CNTN5: variants seen among roughly 807,000 people sequenced by gnomAD.
The protein encoded by CNTN5 is contactin 5, also known as contactin-5.
A neutral mutation model predicts 129.1 loss-of-function variants in CNTN5; 77 were observed. The ratio of observed to expected loss-of-function variants is 0.60; its 90% CI spans 0.50 to 0.72. CNTN5 has a LOEUF of 0.72. Among genes scored for constraint, CNTN5 ranks in the 30% least tolerant of loss-of-function variants. The pLI is 0.00. For missense variants in CNTN5, 1,478 were observed against 1,328.8 expected (o/e 1.11, Z -1.75); for synonymous variants, 509 against 465.6 (o/e 1.09, Z -1.20).
chr11:99,970,816 G>T (rs1285750632), intron 8 of CNTN5, among the ~76,000 whole-genome samples: 2 of 152,158 alleles, frequency 1.3e-5, no homozygotes, highest in African/African-American at 2.4e-5. Flanking sequence ...AGATAAAGGG[G>T]ATGGATGGGC....
chr11:99,883,678 T>C (rs1591361805), intron 6 of CNTN5, among the ~76,000 whole-genome samples: 1 of 152,312 alleles, frequency 6.6e-6, no homozygotes, highest in Admixed American at 6.5e-5. Flanking sequence ...TAACCTATTA[T>C]GTATGAACCT....
At chr11:100,162,584 T>C (rs1034126973) in intron 13 of CNTN5, among the ~76,000 whole-genome samples, 3 of 151,858 alleles carry the variant, frequency 2.0e-5, no homozygotes, top group Admixed American at 6.6e-5. Context: ...GCTTAAGCTA[T>C]TGCTTTTCTC....
At chr11:99,172,177 A>G (rs4143858) in intron 1 of CNTN5, among the ~76,000 whole-genome samples, 144,098 of 152,252 alleles carry the variant, frequency 0.95, 68,256 homozygotes, top group East Asian at 1. Context: ...GATATTGCTT[A>G]AATCATTTAA....
chr11:100,048,783 G>A (rs999821777), intron 9 of CNTN5, among the ~76,000 whole-genome samples: 3 of 151,946 alleles, frequency 2.0e-5, no homozygotes, highest in African/African-American at 7.2e-5. Context: ...ATTTTGAAGA[G>A]TATAAAAATA....
chr11:99,790,457 A>T (rs768125479), intron 3 of CNTN5, among the ~76,000 whole-genome samples: 11 of 152,106 alleles, frequency 7.2e-5, no homozygotes, highest in Non-Finnish European at 1.3e-4. Context: ...TTGGCTTAGG[A>T]TAATGGCCTC....
intron 1 of CNTN5, among the ~76,000 whole-genome samples, chr11:99,173,480 G>T (rs185915328): frequency 2.5e-3 from 380 of 152,300 alleles, no homozygotes; most frequent in African/African-American, 8.8e-3. Flanking sequence ...TTATTGGTCA[G>T]ATTTTATTGT....
intron 1 of CNTN5, among the ~76,000 whole-genome samples, chr11:99,119,655 T>A (rs1053905321): frequency 1.3e-5 from 2 of 152,292 alleles, no homozygotes; most frequent in Admixed American, 1.3e-4. Flanking sequence ...ATAAACGCAG[T>A]TATGGGATTG....
chr11:99,653,441 C>T (rs974724221), intron 3 of CNTN5, among the ~76,000 whole-genome samples: 4 of 151,934 alleles, frequency 2.6e-5, no homozygotes, highest in Non-Finnish European at 5.9e-5. Flanking sequence ...TCATAGCTCC[C>T]CCGTCTCAGA....
chr11:100,128,102 C>T (rs914948612), intron 13 of CNTN5, among the ~76,000 whole-genome samples: 6 of 152,046 alleles, frequency 3.9e-5, no homozygotes, highest in African/African-American at 9.7e-5. Flanking sequence ...ATCTTTGACT[C>T]GAATATCTCC....
chr11:99,379,524 T>C (rs1195842367), intron 2 of CNTN5, among the ~76,000 whole-genome samples: 3 of 152,174 alleles, frequency 2.0e-5, no homozygotes, highest in Non-Finnish European at 4.4e-5. Flanking sequence ...ATATTCATTA[T>C]TGAAAGTTGT....
At chr11:99,126,136 C>T (rs1858618763) in intron 1 of CNTN5, among the ~76,000 whole-genome samples, 1 of 152,078 alleles carries the variant, frequency 6.6e-6, no homozygotes, top group Non-Finnish European at 1.5e-5. Flanking sequence ...TAATTATTGG[C>T]TTTTTATTAG....
At chr11:100,123,837 A>G (rs969257529) in intron 13 of CNTN5, among the ~76,000 whole-genome samples, 3 of 152,132 alleles carry the variant, frequency 2.0e-5, no homozygotes, top group Non-Finnish European at 4.4e-5. Flanking sequence ...TTGAGTACTC[A>G]CTAGGGTTAA....
chr11:99,984,347 A>AGAAAAG (rs1426019519), intron 8 of CNTN5, among the ~76,000 whole-genome samples: 8 of 152,016 alleles, frequency 5.3e-5, no homozygotes, highest in African/African-American at 1.9e-4. Flanking sequence ...AAAGAAAATG[A>AGAAAAG]GAAAAGGAAA....
chr11:99,972,355 A>C (rs184605568), intron 8 of CNTN5, among the ~76,000 whole-genome samples: 112 of 152,304 alleles, frequency 7.4e-4, no homozygotes, highest in Admixed American at 1.8e-3. Context: ...AGTCCTAGAA[A>C]GCAGCCTTTT....
At chr11:99,780,834 A>T (rs1438266663) in intron 3 of CNTN5, among the ~76,000 whole-genome samples, 1 of 152,104 alleles carries the variant, frequency 6.6e-6, no homozygotes, top group Non-Finnish European at 1.5e-5. Context: ...TAAAAGTGCA[A>T]CTTCAAGGAA....
intron 13 of CNTN5, among the ~76,000 whole-genome samples, chr11:100,157,943 T>TAAAC (rs967404995): frequency 1.3e-5 from 2 of 151,506 alleles, no homozygotes; most frequent in Non-Finnish European, 2.9e-5. Flanking sequence ...AATACAAAAG[T>TAAAC]AAACATAAAA....
At chr11:99,542,825 C>T (rs894417696) in intron 2 of CNTN5, among the ~76,000 whole-genome samples, 1 of 152,218 alleles carries the variant, frequency 6.6e-6, no homozygotes, top group Non-Finnish European at 1.5e-5. Flanking sequence ...TGGGAAATCA[C>T]ATGGCCCAAG....
At chr11:99,715,514 G>A (rs1955180817) in intron 3 of CNTN5, among the ~76,000 whole-genome samples, 1 of 151,710 alleles carries the variant, frequency 6.6e-6, no homozygotes, top group South Asian at 2.1e-4. Flanking sequence ...AGGGGAATGA[G>A]AGGAAGAACA....
chr11:99,124,951 T>C (rs961067968), intron 1 of CNTN5, among the ~76,000 whole-genome samples: 12 of 151,824 alleles, frequency 7.9e-5, no homozygotes, highest in African/African-American at 2.9e-4. Context: ...AGTAATGAGT[T>C]CCAAAATTGA....
Sources: gnomAD v4.1 joint callset for allele counts (sites outside exome capture counted in the v4.1 genomes callset) on GRCh38, gnomAD v4.1.1 for gene constraint, MANE v1.5 for transcripts, NCBI Gene and HGNC (gene_info 2026-07-23, HGNC 2026-07-21) for gene names.